The following NFATC3 variants were observed in gnomAD, a reference collection of about 807,000 sequenced individuals.
The protein encoded by NFATC3 is nuclear factor of activated T cells 3.
A neutral mutation model predicts 98.6 loss-of-function variants in NFATC3; 46 were observed. The ratio of observed to expected loss-of-function variants is 0.47; its 90% CI spans 0.37 to 0.60. NFATC3 has a LOEUF of 0.60. Ranked by LOEUF, NFATC3 falls within the 20% of genes least tolerant of loss-of-function variation. NFATC3 has a pLI of 0.00. For synonymous variants in NFATC3, 512 were observed against 472.2 expected (o/e 1.08, Z -1.09); for missense variants, 1,256 against 1,295.5 (o/e 0.97, Z 0.47).
intron 3 of NFATC3, among the ~76,000 whole-genome samples, chr16:68,136,310 G>A (rs1468462567): frequency 2.0e-5 from 3 of 151,360 alleles, no homozygotes; most frequent in South Asian, 2.1e-4. Flanking sequence ...CTCTGTTGCC[G>A]ATGCTGGAGT....
At chr16:68,181,604 T>C in intron 7 of NFATC3, 74 bp downstream of exon 7, 1 of 1,103,416 alleles carries the variant, frequency 9.1e-7, no homozygotes, top group Non-Finnish European at 1.4e-6. Context: ...TGCTTTATGG[T>C]ATGGATGACT....
chr16:68,133,540 TA>T (rs1477611715), intron 3 of NFATC3, among the ~76,000 whole-genome samples: 1 of 152,206 alleles, frequency 6.6e-6, no homozygotes, highest in Non-Finnish European at 1.5e-5. Context: ...CCACACAGGT[TA>T]ACATGTAGAA....
chr16:68,094,076 G>A (rs908760155), intron 1 of NFATC3, among the ~76,000 whole-genome samples: 6 of 152,174 alleles, frequency 3.9e-5, no homozygotes, highest in African/African-American at 1.4e-4. Context: ...GTACTGTATC[G>A]CTATATCGCT....
In NFATC3 at chr16:68,109,464, G is replaced by A. The variant is rs559631000; in HGVS notation, c.104-12523G>A. Among the ~76,000 whole-genome samples the A allele has an allele frequency of 5.3e-5, 8 of 152,306 alleles. No homozygotes were observed. The South Asian group carries it at 1.7e-3, about 32-fold the overall frequency. On this transcript the variant is annotated intron_variant, in intron 1 of 9. Coordinates refer to ENST00000346183, the MANE Select transcript of NFATC3 (RefSeq NM_173165.3). ...CGATAAGCTTTTTGATGTGCTGCTG[G>A]ATTCGGTTTACCAGTATTTATTTGA...
chr16:68,218,024 C>T (rs2041703109), intron 9 of NFATC3: 1 of 1,139,982 alleles, frequency 8.8e-7, no homozygotes, highest in East Asian at 4.4e-5. Flanking sequence ...CTGTCTGTAG[C>T]TTGAAAAATC....
rs2040404481 is a variant in NFATC3, at chr16:68,190,988, T to G, written c.2319T>G (p.Ser773Arg). Residue 773 changes from serine (S) to arginine (R), a missense_variant, in exon 9 of 10, where the codon AGT becomes AGG. By Grantham distance (110) the Ser-to-Arg change is moderately radical. Around this residue, in one of 3 missense-constraint regions of NFATC3, gnomAD observed 636 missense variants for 617.3 expected, o/e 1.03. Transcript: ENST00000346183. Reference protein sequence around the residue: ...HLPQLQCRDESVSKEQHMIPS... With the variant: ...HLPQLQCRDERVSKEQHMIPS... ...CACAGTTGCAGTGTAGAGATGAGAG[T>G]GTTAGTAAAGAACAGCATATGATTC... 3.1e-6 allele frequency: 5 copies of G among 1,613,762 alleles called. No individual in the cohort carries two copies. Among genetic ancestry groups the G allele is most frequent in the Non-Finnish European group, 2.5e-6 (3 of 1,179,974 alleles).
intron 3 of NFATC3, among the ~76,000 whole-genome samples, chr16:68,153,676 C>G (rs939179665): frequency 6.6e-6 from 1 of 151,986 alleles, no homozygotes; most frequent in African/African-American, 2.4e-5. Context: ...TACAGTGGCC[C>G]GATCTCAGCT....
rs1391163882 is a variant in NFATC3 at position 68,221,145 on chromosome 16, A to T, written c.3107-5205A>T. 4.4e-6 allele frequency: 7 copies of T among 1,592,294 alleles called. No homozygotes were observed. In the South Asian group the frequency reaches 7.8e-5, roughly 18 times the overall value. The stretch of plus-strand genomic sequence containing the variant: ...AGCATTAGTATTTTTAACAACTTAA[A>T]AATTGTGCTTATCAAGATTGCTAAT... On this transcript the variant is annotated intron_variant, in intron 9 of 9. Transcript: ENST00000346183.
intron 1 of NFATC3, among the ~76,000 whole-genome samples, chr16:68,100,030 A>G (rs147505942): frequency 6.6e-6 from 1 of 152,148 alleles, no homozygotes; most frequent in East Asian, 1.9e-4. Context: ...GATCCTTCCA[A>G]GTTGTCGAGT....
chr16:68,091,712 T>C (rs890194350), intron 1 of NFATC3, among the ~76,000 whole-genome samples: 1 of 152,228 alleles, frequency 6.6e-6, no homozygotes, highest in Non-Finnish European at 1.5e-5. Context: ...AGGTTGAGCC[T>C]CATTTGATAG....
chr16:68,174,959 T>A (rs2039619134), intron 6 of NFATC3, among the ~76,000 whole-genome samples: 1 of 152,242 alleles, frequency 6.6e-6, no homozygotes, highest in Admixed American at 6.5e-5. Flanking sequence ...TGTCCGTACA[T>A]GAACTTAGAG....
chr16:68,089,205 A>G, intron 1 of NFATC3: 1 of 985,442 alleles, frequency 1.0e-6, no homozygotes, highest in Non-Finnish European at 1.2e-6. Flanking sequence ...ATAGTGAGGT[A>G]AGTGGATAGA....
intron 4 of NFATC3, among the ~76,000 whole-genome samples, chr16:68,162,590 T>C (rs2038944958): frequency 2.8e-5 from 2 of 70,486 alleles, no homozygotes; most frequent in Admixed American, 1.3e-4. Context: ...GCCTAAACTC[T>C]TTTTTTTTTT....
chr16:68,105,283 G>A (rs1295691395), intron 1 of NFATC3, among the ~76,000 whole-genome samples: 1 of 151,776 alleles, frequency 6.6e-6, no homozygotes, highest in East Asian at 1.9e-4. Flanking sequence ...TAGAGACAGG[G>A]TTTCACAATG....
chr16:68,171,131 CCGAATAG>C (rs2039440261), intron 5 of NFATC3, among the ~76,000 whole-genome samples: 1 of 152,192 alleles, frequency 6.6e-6, no homozygotes, highest in Admixed American at 6.5e-5. Context: ...GCTCAGCCTC[CCGAATAG>C]CTGTGATTAC....
intron 8 of NFATC3, among the ~76,000 whole-genome samples, chr16:68,187,721 G>A (rs1252697465): frequency 6.6e-6 from 1 of 152,136 alleles, no homozygotes; most frequent in East Asian, 1.9e-4. Flanking sequence ...TTTGAGTATG[G>A]ATGAGTCCAG....
intron 1 of NFATC3, among the ~76,000 whole-genome samples, chr16:68,121,672 C>CA (rs34100394): frequency 0.019 from 1,386 of 73,282 alleles, 12 homozygotes; most frequent in African/African-American, 0.034. Context: ...GACCCTGTCT[C>CA]AAAAAAAAAA....
At chr16:68,218,382 C>G (rs1238106107) in intron 9 of NFATC3, among the ~76,000 whole-genome samples, 1 of 151,506 alleles carries the variant, frequency 6.6e-6, no homozygotes, top group Non-Finnish European at 1.5e-5. Context: ...TGAGACCAGC[C>G]TGGGCAACAT....
chr16:68,152,141 T>C (rs2038363980), intron 3 of NFATC3, among the ~76,000 whole-genome samples: 1 of 146,034 alleles, frequency 6.8e-6, no homozygotes, highest in East Asian at 2.0e-4. Context: ...GGTGGACGGA[T>C]CACTTGAGGT....
Sources: allele counts gnomAD v4.1 joint callset (sites outside exome capture counted in the v4.1 genomes callset), GRCh38; gene constraint gnomAD v4.1.1; regional missense constraint gnomAD v4.1.1; transcripts MANE v1.5; gene names NCBI Gene and HGNC (gene_info 2026-07-23, HGNC 2026-07-21).